GRIK2: variants seen among roughly 807,000 people sequenced by gnomAD.
GRIK2 encodes the protein glutamate receptor ionotropic, kainate 2.
Under a neutral mutation model 100.3 loss-of-function variants are expected in GRIK2, and 32 were observed. That is an observed-to-expected ratio of 0.32 (90% CI 0.24 to 0.43). The LOEUF (loss-of-function observed/expected upper bound fraction) is 0.43. Ranked by LOEUF, GRIK2 falls within the 20% of genes least tolerant of loss-of-function variation. The pLI, the probability that GRIK2 is intolerant of heterozygous loss-of-function variation, is 1.00. For missense variants in GRIK2, 843 were observed against 1,114.9 expected (o/e 0.76, Z 3.47); for synonymous variants, 417 against 389.4 (o/e 1.07, Z -0.83).
chr6:102,006,368 T>TTA (rs3029070), intron 14 of GRIK2, among the ~76,000 whole-genome samples: 2,380 of 125,716 alleles, frequency 0.019, 47 homozygotes, highest in East Asian at 0.086. Flanking sequence ...GATAAACCTT[T>TTA]TATATATATA....
intron 12 of GRIK2, among the ~76,000 whole-genome samples, chr6:101,895,609 T>C (rs879373729): frequency 1.3e-5 from 2 of 151,814 alleles, no homozygotes; most frequent in Non-Finnish European, 3.0e-5. Context: ...TTTGGTGGGA[T>C]GTTCAGTGTT....
intron 4 of GRIK2, among the ~76,000 whole-genome samples, chr6:101,671,388 A>G (rs1770421355): frequency 1.2e-5 from 1 of 85,742 alleles, no homozygotes; most frequent in African/African-American, 3.1e-5. Context: ...TAGATGTTCC[A>G]AAACAAAAAA....
intron 2 of GRIK2, among the ~76,000 whole-genome samples, chr6:101,465,727 A>G (rs1445301509): frequency 6.6e-6 from 1 of 152,172 alleles, no homozygotes; most frequent in Non-Finnish European, 1.5e-5. Flanking sequence ...TGCAGTTGCA[A>G]AAATATTACT....
At chr6:101,668,048 A>C (rs1770159816) in intron 4 of GRIK2, among the ~76,000 whole-genome samples, 1 of 152,200 alleles carries the variant, frequency 6.6e-6, no homozygotes, top group South Asian at 2.1e-4. Context: ...TAATTTTAAA[A>C]TAAAGAAAAT....
chr6:101,779,947 A>G (rs1039467073), intron 7 of GRIK2, among the ~76,000 whole-genome samples: 6 of 151,996 alleles, frequency 3.9e-5, no homozygotes, highest in African/African-American at 1.2e-4. Flanking sequence ...TTATTGATTT[A>G]CTCCCAACCC....
At chr6:101,941,511 A>G (rs1790951493) in intron 14 of GRIK2, among the ~76,000 whole-genome samples, 2 of 151,982 alleles carry the variant, frequency 1.3e-5, no homozygotes, top group South Asian at 4.1e-4. Flanking sequence ...TTTTCTTAAT[A>G]GTAAAAAAAA....
chr6:101,708,671 A>G (rs1210065966), intron 7 of GRIK2, among the ~76,000 whole-genome samples: 1 of 151,794 alleles, frequency 6.6e-6, no homozygotes, highest in Non-Finnish European at 1.5e-5. Context: ...ATGAATCTCC[A>G]TAAGAGTATT....
chr6:101,839,489 C>A (rs1210492470), intron 10 of GRIK2, among the ~76,000 whole-genome samples: 1 of 151,914 alleles, frequency 6.6e-6, no homozygotes, highest in African/African-American at 2.4e-5. Flanking sequence ...AAGTAGAAAG[C>A]CTTTGTAAGT....
At chr6:101,481,275 T>A (rs560539268) in intron 2 of GRIK2, among the ~76,000 whole-genome samples, 5 of 152,318 alleles carry the variant, frequency 3.3e-5, no homozygotes, top group South Asian at 4.1e-4. Context: ...ATGAAATTAA[T>A]GCAGAAGGCT....
chr6:101,595,627 C>T (rs1296869339), intron 2 of GRIK2, among the ~76,000 whole-genome samples: 1 of 150,284 alleles, frequency 6.7e-6, no homozygotes, highest in East Asian at 2.0e-4. Flanking sequence ...CATGTGTATG[C>T]ATACACACAC....
chr6:101,531,069 C>A (rs185934771), intron 2 of GRIK2, among the ~76,000 whole-genome samples: 15 of 152,040 alleles, frequency 9.9e-5, no homozygotes, highest in Non-Finnish European at 2.2e-4. Context: ...TGAGGTTAAG[C>A]AATTTATCAA....
intron 11 of GRIK2, among the ~76,000 whole-genome samples, chr6:101,886,223 T>C (rs1786602441): frequency 6.6e-6 from 1 of 152,200 alleles, no homozygotes; most frequent in Admixed American, 6.5e-5. Flanking sequence ...TGTCTTTCAC[T>C]TAGCAATATG....
chr6:101,917,558 A>G (rs1200597780), intron 12 of GRIK2, among the ~76,000 whole-genome samples: 5 of 150,480 alleles, frequency 3.3e-5, no homozygotes, highest in African/African-American at 1.2e-4. Flanking sequence ...CTCCTAAATA[A>G]CCAAGTTAGC....
intron 2 of GRIK2, among the ~76,000 whole-genome samples, chr6:101,538,196 A>G (rs1410987529): frequency 6.6e-6 from 1 of 151,738 alleles, no homozygotes; most frequent in Admixed American, 6.6e-5. Context: ...ATGATGCTCA[A>G]TTGCATCATC....
intron 7 of GRIK2, among the ~76,000 whole-genome samples, chr6:101,767,481 A>G (rs1778110154): frequency 6.6e-6 from 1 of 152,176 alleles, no homozygotes; most frequent in Admixed American, 6.5e-5. Flanking sequence ...TTTTACACCT[A>G]AATAATGTAC....
At chr6:101,831,226 T>C (rs1006393005) in intron 10 of GRIK2, among the ~76,000 whole-genome samples, 5 of 152,166 alleles carry the variant, frequency 3.3e-5, no homozygotes, top group African/African-American at 9.6e-5. Flanking sequence ...GATATCAAAA[T>C]AGGATTTTTT....
intron 12 of GRIK2, among the ~76,000 whole-genome samples, chr6:101,892,747 ATAT>A (rs1246299564): frequency 1.3e-5 from 2 of 151,816 alleles, no homozygotes; most frequent in Non-Finnish European, 2.9e-5. Context: ...GCAATATATA[ATAT>A]TAGAGATTCT....
chr6:101,758,565 A>T (rs1326833520), intron 7 of GRIK2, among the ~76,000 whole-genome samples: 1 of 152,322 alleles, frequency 6.6e-6, no homozygotes, highest in East Asian at 1.9e-4. Flanking sequence ...CCCAGGGTAC[A>T]GTTGGGAATG....
intron 12 of GRIK2, among the ~76,000 whole-genome samples, chr6:101,903,564 GT>G (rs1450493062): frequency 1.3e-5 from 2 of 151,652 alleles, no homozygotes; most frequent in African/African-American, 2.4e-5. Context: ...TTAGATTTCT[GT>G]TATACTTTCT....
Sources: allele counts gnomAD v4.1 joint callset (sites outside exome capture counted in the v4.1 genomes callset), GRCh38; gene constraint gnomAD v4.1.1; transcripts MANE v1.5; gene names NCBI Gene and HGNC (gene_info 2026-07-23, HGNC 2026-07-21).